Variants in FHAD1 observed in about 807,000 individuals in gnomAD.
FHAD1 encodes the protein forkhead associated phosphopeptide binding domain 1, also known as forkhead-associated domain-containing protein 1.
A neutral mutation model predicts 191.3 loss-of-function variants in FHAD1; 146 were observed. The observed-to-expected ratio is 0.76, with a 90% CI of 0.67 to 0.88. FHAD1 has a LOEUF of 0.88. Ranked by LOEUF, FHAD1 falls within the 40% of genes least tolerant of loss-of-function variation. The pLI is 0.00. For synonymous variants in FHAD1, 616 were observed against 672.3 expected, an observed-to-expected ratio of 0.92 and a Z score of 1.29; for missense variants, 1,635 against 1,785.8, an observed-to-expected ratio of 0.92 and a Z score of 1.52.
At position 15,345,448 on chromosome 1, in the gene FHAD1, C is replaced by T. The variant is rs966927409; in HGVS notation, c.2271C>T (p.Asn757=). The part of the protein sequence containing the change: ...ALAKSITQEK[N]RVKEALEEEQ... ...CGAAAAGCATTACCCAGGAGAAGAA[C>T]AGAGTGAAGGAAGCATTAGAGGAAG... The change falls in exon 18 of 34, where the codon AAC becomes AAT. Residue 757 remains asparagine (N), a synonymous_variant. Transcript: ENST00000688493. 45 of 1,552,184 alleles carry T rather than the reference C, an allele frequency of 2.9e-5. No individual in the cohort carries two copies. The highest frequency in any genetic ancestry group is 3.6e-5 in the Non-Finnish European group (41 of 1,147,146).
At chr1:15,320,947 G>T (rs1453270512) in intron 10 of FHAD1, among the ~76,000 whole-genome samples, 2 of 152,050 alleles carry the variant, frequency 1.3e-5, no homozygotes, top group African/African-American at 4.8e-5. Flanking sequence ...TTGTTTGTTT[G>T]TTTTTTGAGA....
At position 15,328,260 on chromosome 1, in the gene FHAD1, T is replaced by C; in HGVS notation, c.1558-17T>C. On this transcript the variant is annotated splice_polypyrimidine_tract_variant and intron_variant, in intron 12 of 33. Coordinates refer to ENST00000688493, the MANE Select transcript of FHAD1 (RefSeq NM_001391957.1). ...TTACATCTTTTTTTTTTTTTTCCTT[T>C]TTCTTTTTCTCACCAGTTAATAGAG... 6.8e-7 allele frequency: 1 copy of C among 1,461,954 alleles called. No individual in the cohort carries two copies. Among genetic ancestry groups the C allele is most frequent in the South Asian group, 1.4e-5 (1 of 69,400 alleles). 90.6% of individuals were successfully genotyped at this position (1,461,954 alleles called of 1,614,324 possible). A position where few individuals can be genotyped will look rare whatever the true frequency, so the allele number is the denominator to read the frequency against.
intron 28 of FHAD1, 72 bp downstream of exon 28, chr1:15,375,802 C>T (rs1045678485): frequency 9.2e-6 from 13 of 1,419,286 alleles, no homozygotes; most frequent in South Asian, 1.5e-5. Context: ...ACACTAGCTT[C>T]GTTCCCTGGC....
At chr1:15,323,025 GT>G (rs1558107865) in intron 10 of FHAD1, among the ~76,000 whole-genome samples, 1 of 152,160 alleles carries the variant, frequency 6.6e-6, no homozygotes, top group Non-Finnish European at 1.5e-5. Flanking sequence ...TGATAAACCC[GT>G]CAATTTCGTG....
intron 5 of FHAD1, among the ~76,000 whole-genome samples, chr1:15,297,028 C>T (rs1667198071): frequency 6.6e-6 from 1 of 152,240 alleles, no homozygotes; most frequent in Non-Finnish European, 1.5e-5. Context: ...AACATTCATT[C>T]ACTCATTTAA....
At chr1:15,336,839 C>A (rs1326833992) in intron 14 of FHAD1, among the ~76,000 whole-genome samples, 2 of 152,220 alleles carry the variant, frequency 1.3e-5, no homozygotes, top group Non-Finnish European at 2.9e-5. Context: ...GCTCTTCATT[C>A]TCTTTTTTGA....
Position 15,327,093 on chromosome 1 carries a change from C to G in FHAD1, c.1508C>G (p.Thr503Ser). The G allele has an allele frequency of 6.4e-7, 1 of 1,551,538 alleles. No homozygotes were observed. The highest frequency in any genetic ancestry group is 8.7e-7 in the Non-Finnish European group (1 of 1,146,970). Reference sequence around the variant, plus strand: ...TTCAGAAGTCAAGTCATCAAGGCCACCTATGGACGGGCGAAGCCGTTCCGG... The same window carrying G: ...TTCAGAAGTCAAGTCATCAAGGCCAGCTATGGACGGGCGAAGCCGTTCCGG... ...EHFRSQVIKA[T>S]YGRAKPFRDK... Residue 503 changes from threonine to serine, a missense_variant, in exon 12 of 34, where the codon ACC becomes AGC. By Grantham distance (58) the Thr-to-Ser change is moderately conservative. Coordinates refer to ENST00000688493, the MANE Select transcript of FHAD1 (RefSeq NM_001391957.1). The surrounding 1 kb of genome is among the most constrained non-coding windows in gnomAD (Gnocchi z 5.1).
chr1:15,260,319 T>G (rs1423854910), intron 2 of FHAD1, among the ~76,000 whole-genome samples: 1 of 152,232 alleles, frequency 6.6e-6, no homozygotes, highest in East Asian at 1.9e-4. Context: ...TGAATTACCA[T>G]GAAGTGCTTA....
In FHAD1 at chr1:15,301,244, C is replaced by G; in HGVS notation, c.718C>G (p.Leu240Val). 1 of 1,551,732 alleles carries G rather than the reference C, an allele frequency of 6.4e-7. No individual in the cohort carries two copies. Among genetic ancestry groups the G allele is most frequent in the Non-Finnish European group, 8.7e-7 (1 of 1,147,010 alleles). The change falls in exon 6 of 34, where the codon CTC (leucine) becomes GTC (valine). Residue 240 changes from leucine (L) to valine (V), a missense_variant. Physicochemically the swap from Leu to Val is conservative, Grantham distance 32. Transcript: ENST00000688493. The stretch of plus-strand genomic sequence containing the variant: ...GCTGCTGGGAAAAGAGGTCAGCCGT[C>G]TCTCAGATTATGAAATTGAATCCAA... ...ILLLGKEVSR[L>V]SDYEIESKYK...
At chr1:15,338,441 C>T (rs1159703515) in intron 14 of FHAD1, among the ~76,000 whole-genome samples, 2 of 152,166 alleles carry the variant, frequency 1.3e-5, no homozygotes, top group East Asian at 1.9e-4. Flanking sequence ...GTGGTCAAGC[C>T]TCCGTCTGTC....
intron 1 of FHAD1, 125 bp from the exon 2 acceptor site, chr1:15,251,646 C>T: frequency 4.2e-6 from 3 of 710,800 alleles, no homozygotes; most frequent in Non-Finnish European, 4.7e-6. Context: ...TATCTAATCC[C>T]CCCTCTTCTG....
chr1:15,317,055 C>T (rs567842652), intron 9 of FHAD1, among the ~76,000 whole-genome samples: 3 of 152,178 alleles, frequency 2.0e-5, no homozygotes, highest in South Asian at 2.1e-4. Context: ...GGCATGGTGG[C>T]GGGTGCCTGT....
intron 33 of FHAD1, chr1:15,393,072 C>CT (rs35952768): frequency 0.069 from 8,539 of 123,878 alleles, 595 homozygotes; most frequent in African/African-American, 0.17. Context: ...AAATTCATTC[C>CT]TTTTTTTTTT....
intron 2 of FHAD1, among the ~76,000 whole-genome samples, chr1:15,259,334 A>G (rs1335079163): frequency 2.0e-5 from 3 of 152,152 alleles, no homozygotes; most frequent in Non-Finnish European, 2.9e-5. Flanking sequence ...GAGAACTACT[A>G]TTATCGTTAT....
In FHAD1 at chr1:15,367,504, G is replaced by A. The variant is rs1004755861; in HGVS notation, c.3196G>A (p.Val1066Met). The change falls in exon 25 of 34, where the codon GTG (valine) becomes ATG (methionine). Residue 1066 changes from valine to methionine, a missense_variant. By Grantham distance (21) the Val-to-Met change is conservative. Coordinates refer to ENST00000688493, the MANE Select transcript of FHAD1 (RefSeq NM_001391957.1). The part of the protein sequence containing the change: ...EKQKMELEQN[V>M]VLVQQQSKEL... ...GCAGAAGATGGAACTGGAGCAGAAC[G>A]TGGTGCTGGTCCAGCAGCAGAGCAA... The A allele has an allele frequency of 6.4e-6, 10 of 1,551,324 alleles. No homozygotes were observed. The East Asian group carries it at 7.3e-5, about 11-fold the overall frequency.
rs375726612 is a variant in FHAD1 at position 15,318,626 on chromosome 1, T to TC, written c.1365+700dup. On this transcript the variant is annotated intron_variant, in intron 10 of 33. Transcript: ENST00000688493. This position sits in a 1 kb window ranked among gnomAD's most constrained non-coding sequence, Gnocchi z 4.1. ...TCCAGCCTGGGCGACAGAGCAAGAC[T>TC]CCGTCTCAAAAAAAAAAAAATTTAA... 2.6e-5 allele frequency among the ~76,000 whole-genome samples: 4 copies of TC among 151,230 alleles called. No homozygotes were observed. The highest frequency in any genetic ancestry group is 9.7e-5 in the African/African-American group (4 of 41,164).
intron 4 of FHAD1, among the ~76,000 whole-genome samples, chr1:15,293,784 G>T (rs1345052661): frequency 1.3e-5 from 2 of 152,166 alleles, no homozygotes; most frequent in African/African-American, 4.8e-5. Context: ...ACATTCCATG[G>T]ATGTATCACA....
rs1181209205 is a variant in FHAD1 at position 15,381,408 on chromosome 1, G to A, written c.3979G>A (p.Glu1327Lys). 6.4e-7 allele frequency: 1 copy of A among 1,551,720 alleles called. No individual in the cohort carries two copies. Among genetic ancestry groups the A allele is most frequent in the Non-Finnish European group, 8.7e-7 (1 of 1,147,004 alleles). The change falls in exon 30 of 34, where the codon GAG becomes AAG. Residue 1327 changes from glutamate to lysine, a missense_variant. Physicochemically the swap from Glu to Lys is moderately conservative, Grantham distance 56. Transcript: ENST00000688493. The surrounding 1 kb of genome is among the most constrained non-coding windows in gnomAD (Gnocchi z 4.6). Reference protein sequence around the residue: ...TQLKNQLGRKEELLRGYEKDV... With the variant: ...TQLKNQLGRKKELLRGYEKDV... ...ACTCAAGAACCAGCTGGGGAGGAAA[G>A]AGGAGCTGTTGAGAGGATATGAAAA...
chr1:15,372,890 TAC>T (rs1341835063), intron 26 of FHAD1, among the ~76,000 whole-genome samples: 2 of 152,228 alleles, frequency 1.3e-5, no homozygotes, highest in Non-Finnish European at 2.9e-5. Flanking sequence ...TTATAACTTC[TAC>T]CAGATATTTT....
Sources: allele counts gnomAD v4.1 joint callset (sites outside exome capture counted in the v4.1 genomes callset), GRCh38; gene constraint gnomAD v4.1.1; non-coding constraint Gnocchi (gnomAD v3.1); transcripts MANE v1.5; gene names NCBI Gene and HGNC (gene_info 2026-07-23, HGNC 2026-07-21).